The following ADGRL3 variants were observed in gnomAD, a reference collection of about 807,000 sequenced individuals.
ADGRL3 encodes the protein calcium-independent alpha-latrotoxin receptor 3.
ADGRL3 carries 62 observed loss-of-function variants against 153.5 expected under a neutral mutation model. That is an observed-to-expected ratio of 0.40 (90% CI 0.33 to 0.50). ADGRL3 has a LOEUF of 0.50. Ranked by LOEUF, ADGRL3 falls within the 20% of genes least tolerant of loss-of-function variation. The probability of loss-of-function intolerance (pLI) is 0.47; values close to 1 mark genes in which losing one functional copy is unlikely to be tolerated. For missense variants in ADGRL3, 1,641 were observed against 1,859.4 expected (o/e 0.88, Z 2.16); for synonymous variants, 710 against 672.5 (o/e 1.06, Z -0.86).
intron 1 of ADGRL3, among the ~76,000 whole-genome samples, chr4:61,324,553 G>A (rs1226949317): frequency 1.3e-5 from 2 of 152,072 alleles, no homozygotes; most frequent in Admixed American, 6.6e-5. Context: ...AAAATCAAAA[G>A]CAAAATCTTT....
intron 2 of ADGRL3, among the ~76,000 whole-genome samples, chr4:61,392,365 G>A (rs1402100199): frequency 6.6e-6 from 1 of 151,672 alleles, no homozygotes; most frequent in Non-Finnish European, 1.5e-5. Flanking sequence ...GAATTTACAC[G>A]CATAAATGGT....
chr4:61,766,065 G>C (rs1410010534), intron 8 of ADGRL3, among the ~76,000 whole-genome samples: 1 of 152,084 alleles, frequency 6.6e-6, no homozygotes, highest in Non-Finnish European at 1.5e-5. Flanking sequence ...GCGTGATCAG[G>C]GTGAGGAACA....
chr4:61,388,238 A>T (rs1040982515), intron 2 of ADGRL3, among the ~76,000 whole-genome samples: 4 of 152,152 alleles, frequency 2.6e-5, no homozygotes, highest in Non-Finnish European at 4.4e-5. Context: ...CCTCACCTGC[A>T]TAAGTGGGTT....
chr4:61,313,522 A>G (rs898268746), intron 1 of ADGRL3, among the ~76,000 whole-genome samples: 2 of 152,192 alleles, frequency 1.3e-5, no homozygotes, highest in South Asian at 2.1e-4. Flanking sequence ...GGAACTCTGG[A>G]CAGTAAGTCC....
At chr4:61,871,114 TA>T (rs34249881) in intron 9 of ADGRL3, among the ~76,000 whole-genome samples, 7 of 151,850 alleles carry the variant, frequency 4.6e-5, no homozygotes, top group South Asian at 2.1e-4. Flanking sequence ...CCGTCTCTAC[TA>T]AAAATACAAA....
intron 2 of ADGRL3, among the ~76,000 whole-genome samples, chr4:61,471,215 T>C (rs1308809562): frequency 6.6e-6 from 1 of 151,858 alleles, no homozygotes; most frequent in Non-Finnish European, 1.5e-5. Context: ...CATGTGAATA[T>C]TCAACAGTCT....
intron 9 of ADGRL3, among the ~76,000 whole-genome samples, chr4:61,844,682 T>C (rs1199373664): frequency 6.8e-6 from 1 of 147,848 alleles, no homozygotes; most frequent in African/African-American, 2.5e-5. Flanking sequence ...AGTTTGAACA[T>C]CACTGCTTGA....
intron 1 of ADGRL3, among the ~76,000 whole-genome samples, chr4:61,299,291 C>G (rs1287024920): frequency 6.6e-6 from 1 of 152,116 alleles, no homozygotes; most frequent in East Asian, 1.9e-4. Context: ...GAGGCTGTGT[C>G]AGGGACATGC....
rs33980320 is a variant in ADGRL3, at chr4:61,939,463, G to GT, written c.2419+3429dup. ...CTATTTCTGTAGACAAAATTTGCCA[G>GT]TTTTTTTTTTTCTTTTTTTTTTTTG... On this transcript the variant is annotated intron_variant, in intron 15 of 26. Coordinates refer to ENST00000683033, the MANE Select transcript of ADGRL3 (RefSeq NM_001387552.1). Among the ~76,000 whole-genome samples the GT allele has an allele frequency of 4.6e-3, 658 of 143,600 alleles. 3 individuals are homozygous for GT. Among genetic ancestry groups the GT allele is most frequent in the Non-Finnish European group, 7.0e-3 (459 of 65,334 alleles). 94.2% of individuals were successfully genotyped at this position (143,600 alleles called of 152,430 possible). A position where few individuals can be genotyped will look rare whatever the true frequency, so the allele number is the denominator to read the frequency against.
At chr4:61,359,004 G>C (rs1359427466) in intron 1 of ADGRL3, among the ~76,000 whole-genome samples, 1 of 152,014 alleles carries the variant, frequency 6.6e-6, no homozygotes, top group Non-Finnish European at 1.5e-5. Context: ...CCCTAAAAAT[G>C]TCTTTTTTAA....
rs1167827672 is a variant in ADGRL3 at position 61,711,458 on chromosome 4, T to TTATATATATATATATATATA, written c.584-19149_584-19130dup. Among the ~76,000 whole-genome samples, 177 of 34,588 alleles carry TTATATATATATATATATATA rather than the reference T, an allele frequency of 5.1e-3. 6 individuals carry two copies. The highest frequency in any genetic ancestry group is 5.3e-3 in the Non-Finnish European group (105 of 19,640). The allele number at this position is 34,588 out of a possible 152,430, so 22.7% of individuals were successfully genotyped here. A position where few individuals can be genotyped will look rare whatever the true frequency, so the allele number is the denominator to read the frequency against. ...ATACTATCTTAAAACATATGCTTCA[T>TTATATATATATATATATATA]TATATATATATATATATATATATAT... On this transcript the variant is annotated intron_variant, in intron 6 of 26. Transcript: ENST00000683033.
In ADGRL3 at chr4:61,968,837, A is replaced by G. The variant is rs548692632; in HGVS notation, c.2806-10726A>G. ...AATTTTCCAACATTTACATTTGCAC[A>G]GTCTGTCAAATATGCAGATAGATGA... On this transcript the variant is annotated intron_variant, in intron 17 of 26. Transcript: ENST00000683033. Among the ~76,000 whole-genome samples the G allele has an allele frequency of 4.3e-4, 65 of 152,332 alleles. No homozygotes were observed. In the South Asian group the frequency reaches 0.013, roughly 31 times the overall value.
At chr4:61,950,964 C>T (rs1174262855) in intron 17 of ADGRL3, among the ~76,000 whole-genome samples, 2 of 152,192 alleles carry the variant, frequency 1.3e-5, no homozygotes, top group Admixed American at 6.5e-5. Context: ...TAACCCAATT[C>T]ATTTGACCAG....
intron 1 of ADGRL3, among the ~76,000 whole-genome samples, chr4:61,322,464 C>A (rs1382874821): frequency 2.0e-5 from 3 of 152,160 alleles, no homozygotes; most frequent in African/African-American, 7.2e-5. Context: ...TCATCTGAGA[C>A]AAGGCAAAAC....
chr4:61,652,259 A>G (rs181388951), intron 5 of ADGRL3, among the ~76,000 whole-genome samples: 26 of 152,250 alleles, frequency 1.7e-4, no homozygotes, highest in Non-Finnish European at 3.4e-4. Context: ...TTAAAATAGG[A>G]TTTTGTTCAT....
chr4:62,034,402 G>A (rs1178627334), intron 23 of ADGRL3, among the ~76,000 whole-genome samples: 1 of 151,408 alleles, frequency 6.6e-6, no homozygotes, highest in East Asian at 1.9e-4. Flanking sequence ...ACAATAACAA[G>A]TAATACATAT....
intron 4 of ADGRL3, among the ~76,000 whole-genome samples, chr4:61,572,469 T>C (rs2098843008): frequency 6.6e-6 from 1 of 152,074 alleles, no homozygotes; most frequent in Admixed American, 6.6e-5. Context: ...AAATTCTTCG[T>C]GTACCCAGAT....
intron 17 of ADGRL3, among the ~76,000 whole-genome samples, chr4:61,965,024 A>G (rs2099000860): frequency 6.6e-6 from 1 of 152,048 alleles, no homozygotes; most frequent in Admixed American, 6.6e-5. Context: ...TTTTTTGGAC[A>G]GGATCTCACT....
At chr4:61,449,786 G>A (rs1207919634) in intron 2 of ADGRL3, among the ~76,000 whole-genome samples, 1 of 152,128 alleles carries the variant, frequency 6.6e-6, no homozygotes, top group Non-Finnish European at 1.5e-5. Flanking sequence ...CTCTAGAAAT[G>A]ACAGGTAACG....
Sources: gnomAD v4.1 joint callset for allele counts (sites outside exome capture counted in the v4.1 genomes callset) on GRCh38, gnomAD v4.1.1 for gene constraint, MANE v1.5 for transcripts, NCBI Gene and HGNC (gene_info 2026-07-23, HGNC 2026-07-21) for gene names.